PLAC9: variants seen among roughly 807,000 people sequenced by gnomAD.
PLAC9 encodes the protein placenta associated 9, also known as placenta-specific protein 9.
A neutral mutation model predicts 11.5 loss-of-function variants in PLAC9; 12 were observed. That is an observed-to-expected ratio of 1.05 (90% CI 0.67 to 1.69). The LOEUF is 1.69. PLAC9 is among the 40% of genes most tolerant of loss of function. The pLI, the probability that PLAC9 is intolerant of heterozygous loss-of-function variation, is 0.00. For missense variants in PLAC9, 132 were observed against 130.5 expected (o/e 1.01, Z -0.06); for synonymous variants, 62 against 58.1 (o/e 1.07, Z -0.31).
At chr10:80,136,122 G>A (rs774164923) in intron 1 of PLAC9, among the ~76,000 whole-genome samples, 28 of 152,174 alleles carry the variant, frequency 1.8e-4, no homozygotes, top group Admixed American at 2.0e-4. Context: ...CAGGGGCCAC[G>A]TCTCTTTAAC....
At chr10:80,139,173 C>T (rs867586833) in intron 1 of PLAC9, among the ~76,000 whole-genome samples, 7 of 152,004 alleles carry the variant, frequency 4.6e-5, no homozygotes, top group African/African-American at 7.2e-5. Context: ...AGGATGGTCT[C>T]GATCTCCTGA....
intron 1 of PLAC9, among the ~76,000 whole-genome samples, chr10:80,135,581 A>T (rs183227772): frequency 2.1e-5 from 3 of 142,970 alleles, no homozygotes; most frequent in East Asian, 2.2e-4. Flanking sequence ...TCAAGTGATC[A>T]GCCTGCCCCG....
intron 2 of PLAC9, among the ~76,000 whole-genome samples, chr10:80,143,195 T>C (rs1479658476): frequency 6.6e-6 from 1 of 151,636 alleles, no homozygotes; most frequent in Non-Finnish European, 1.5e-5. Context: ...TGCACCACCA[T>C]GCCCAGCTAA....
At chr10:80,132,696 G>A, upstream of PLAC9, 1 of 1,336,218 alleles carries the variant, frequency 7.5e-7, no homozygotes, top group Non-Finnish European at 9.8e-7. Flanking sequence ...CTCTCGGGCC[G>A]GCCGGGTGCG....
intron 1 of PLAC9, among the ~76,000 whole-genome samples, chr10:80,137,807 C>G (rs1035848005): frequency 6.6e-6 from 1 of 151,608 alleles, no homozygotes; most frequent in Non-Finnish European, 1.5e-5. Context: ...CCCAGCTACT[C>G]TGGAGGCTGA....
In PLAC9 at chr10:80,132,805, C is replaced by T; in HGVS notation, c.43C>T (p.Arg15Cys). 1 of 1,498,386 alleles carries T rather than the reference C, an allele frequency of 6.7e-7. No homozygotes were observed. The highest frequency in any genetic ancestry group is 8.8e-7 in the Non-Finnish European group (1 of 1,131,468). 92.8% of individuals were successfully genotyped at this position (1,498,386 alleles called of 1,614,324 possible). The change falls in exon 1 of 4, where the codon CGC (arginine) becomes TGC (cysteine). Residue 15 changes from arginine (R) to cysteine (C), a missense_variant. By Grantham distance (180) the Arg-to-Cys change is radical. Coordinates refer to ENST00000372263, the MANE Select transcript of PLAC9 (RefSeq NM_001012973.3). Reference sequence around the variant, plus strand: ...CGCGCTGACCGGACTGGCCCTGCTCCGCGCCGCGGGCTCTTTGGCCGGTGA... The same window carrying T: ...CGCGCTGACCGGACTGGCCCTGCTCTGCGCCGCGGGCTCTTTGGCCGGTGA... The part of the protein sequence containing the change: ...LCALTGLALL[R>C]AAGSLAAAEP...
At chr10:80,132,624 G>A (rs1564586792), upstream of PLAC9, 1 of 623,418 alleles carries the variant, frequency 1.6e-6, no homozygotes. Flanking sequence ...GAGGGGGCGG[G>A]TTCTCTCGAG....
chr10:80,135,664 C>G (rs1844967708), intron 1 of PLAC9, among the ~76,000 whole-genome samples: 2 of 151,894 alleles, frequency 1.3e-5, no homozygotes, highest in Non-Finnish European at 2.9e-5. Flanking sequence ...TTTAGCAGCA[C>G]TCAGAGAAAC....
rs1204641907 is a variant in PLAC9 at position 80,144,248 on chromosome 10, T to C, written c.188T>C (p.Leu63Pro). The change falls in exon 3 of 4, where the codon CTG becomes CCG. Residue 63 changes from leucine (L) to proline (P), a missense_variant. By Grantham distance (98) the Leu-to-Pro change is moderately conservative (BLOSUM62 -3). Transcript: ENST00000372263. ...ATGGTAGAGAAGACCGTGGATCACC[T>C]GGGGACAGAGGTGAAAGGCCTGCTG... ...EEMVEKTVDHLGTEVKGLLGL... is the reference protein window; with the variant it reads ...EEMVEKTVDHPGTEVKGLLGL... The C allele has an allele frequency of 1.9e-6, 3 of 1,614,084 alleles. No individual in the cohort carries two copies. The highest frequency in any genetic ancestry group is 2.2e-5 in the South Asian group (2 of 91,080).
At chr10:80,144,024 A>G (rs35498681) in intron 2 of PLAC9, 199 bp from the exon 3 acceptor site, 21,875 of 659,946 alleles carry the variant, frequency 0.033, 446 homozygotes, top group Middle Eastern at 0.051. Flanking sequence ...CTTAGAGAGC[A>G]AGCCCCCTAG....
At chr10:80,132,652 G>A, upstream of PLAC9, 7 of 879,540 alleles carry the variant, frequency 8.0e-6, no homozygotes, top group Non-Finnish European at 1.1e-5. Flanking sequence ...GTCCGGAGCC[G>A]CCCAGGAATT....
At chr10:80,132,139 C>T (rs1844919374), upstream of PLAC9, among the ~76,000 whole-genome samples, 1 of 152,016 alleles carries the variant, frequency 6.6e-6, no homozygotes, top group East Asian at 1.9e-4. Flanking sequence ...CATATCTTTG[C>T]GAGAGTTACG....
intron 1 of PLAC9, among the ~76,000 whole-genome samples, chr10:80,138,951 CTTTT>C (rs773767546): frequency 1.2e-4 from 16 of 131,294 alleles, no homozygotes; most frequent in Admixed American, 5.5e-4. Flanking sequence ...TGCAATATTC[CTTTT>C]TTTTTTTTTT....
chr10:80,144,724 G>A (rs750508406), intron 3 of PLAC9, among the ~76,000 whole-genome samples, 176 bp from the exon 4 acceptor site: 22 of 152,272 alleles, frequency 1.4e-4, no homozygotes, highest in Non-Finnish European at 2.9e-4. Flanking sequence ...GAAGACGGGC[G>A]TCCCCACTGA....
rs1845082286 is a variant in PLAC9, at chr10:80,144,772, A to G, written c.284-128A>G. 12 of 958,678 alleles carry G rather than the reference A, an allele frequency of 1.3e-5. 1 individual carries two copies. In the South Asian group the frequency reaches 2.1e-4, roughly 16 times the overall value. The allele number at this position is 958,678 out of a possible 1,614,324, so 59.4% of individuals were successfully genotyped here. ...GGGGTTGCACTCTGCTCTCTCCTTG[A>G]TCCTTGTGTCCCGCGCGCAGTAGTT... On this transcript the variant is annotated intron_variant, in intron 3 of 3. Transcript: ENST00000372263.
intron 3 of PLAC9, 34 bp from the exon 4 acceptor site, chr10:80,144,866 A>G (rs1308478711): frequency 1.3e-6 from 2 of 1,559,990 alleles, no homozygotes; most frequent in Non-Finnish European, 1.7e-6. Flanking sequence ...GCGGCACCCC[A>G]GCTTGCTCAC....
At chr10:80,142,728 A>ATT (rs201783236) in intron 2 of PLAC9, among the ~76,000 whole-genome samples, 1 of 151,766 alleles carries the variant, frequency 6.6e-6, no homozygotes, top group African/African-American at 2.4e-5. Flanking sequence ...AATACATTTT[A>ATT]TTTTTTTTGA....
In PLAC9 at chr10:80,144,288, GCTGGCCTGGAAC is replaced by G; in HGVS notation, c.232_243del (p.Ala78_Leu81del). Reference sequence around the variant, plus strand: ...AAGGCCTGCTGGGCCTGCTGGAGGAGCTGGCCTGGAACCTGCCCCCGGGACCCTTCAGCCCCG... The same window carrying G: ...AAGGCCTGCTGGGCCTGCTGGAGGAGCTGCCCCCGGGACCCTTCAGCCCCG... On this transcript the variant is annotated inframe_deletion, in exon 3 of 4. Coordinates refer to ENST00000372263, the MANE Select transcript of PLAC9 (RefSeq NM_001012973.3). 1 of 1,613,612 alleles carries G rather than the reference GCTGGCCTGGAAC, an allele frequency of 6.2e-7. No homozygotes were observed. Among genetic ancestry groups the G allele is most frequent in the African/African-American group, 1.3e-5 (1 of 75,040 alleles).
At chr10:80,135,506 T>C (rs1844965538) in intron 1 of PLAC9, among the ~76,000 whole-genome samples, 1 of 151,786 alleles carries the variant, frequency 6.6e-6, no homozygotes, top group African/African-American at 2.4e-5. Context: ...TTGCATTTTT[T>C]AGTAGAGACG....
Sources: gnomAD v4.1 joint callset for allele counts (sites outside exome capture counted in the v4.1 genomes callset) on GRCh38, gnomAD v4.1.1 for gene constraint, MANE v1.5 for transcripts, NCBI Gene and HGNC (gene_info 2026-07-23, HGNC 2026-07-21) for gene names.